RNPEP: variants seen among roughly 807,000 people sequenced by gnomAD.
The protein encoded by RNPEP is aminopeptidase B.
A neutral mutation model predicts 70.1 loss-of-function variants in RNPEP; 57 were observed. The observed-to-expected ratio is 0.81, with a 90% CI of 0.66 to 1.01. The LOEUF (loss-of-function observed/expected upper bound fraction) is 1.01. Ranked by LOEUF, RNPEP falls within the 50% of genes least tolerant of loss-of-function variation. The pLI is 0.00. For missense variants in RNPEP, 787 were observed against 852.4 expected, an observed-to-expected ratio of 0.92 and a Z score of 0.96; for synonymous variants, 335 against 357.4, an observed-to-expected ratio of 0.94 and a Z score of 0.71.
Position 201,999,913 on chromosome 1 carries a change from A to C in RNPEP, c.1102A>C (p.Thr368Pro). 6.2e-7 allele frequency: 1 copy of C among 1,613,540 alleles called. No homozygotes were observed. Residue 368 changes from threonine to proline, a missense_variant, in exon 6 of 11, where the codon ACC becomes CCC. Transcript: ENST00000295640. ...ISTILFGAAY[T>P]CLEAATGRAL... is the part of the protein sequence containing the mutation. Reference sequence around the variant, plus strand: ...TGATTCTGCACCAGGCGCTGCGTACACCTGCTTGGAGGCTGCAACGGGGCG... The same window carrying C: ...TGATTCTGCACCAGGCGCTGCGTACCCCTGCTTGGAGGCTGCAACGGGGCG...
chr1:201,987,948 C>T (rs1683189393), intron 1 of RNPEP, among the ~76,000 whole-genome samples: 1 of 151,240 alleles, frequency 6.6e-6, no homozygotes, highest in Non-Finnish European at 1.5e-5. Flanking sequence ...CAAGACCAGC[C>T]TGACCAACAT....
At chr1:201,988,872 G>A (rs367669495) in intron 1 of RNPEP, 32 bp from the exon 2 acceptor site, 32 of 1,589,264 alleles carry the variant, frequency 2.0e-5, no homozygotes, top group Non-Finnish European at 2.4e-5. Flanking sequence ...TGTGGGAGAT[G>A]TCAGTTCTGA....
Position 202,005,803 on chromosome 1 carries a change from C to T in RNPEP, c.*87C>T. ...TCCCAAATTCCTGTTCCCTGATCAA[C>T]TTCCTGGAGTTTATATCCCCTCAGG... On this transcript the variant is annotated 3_prime_UTR_variant, in exon 11 of 11. Transcript: ENST00000295640. 1.4e-5 allele frequency: 21 copies of T among 1,466,168 alleles called. No individual in the cohort carries two copies. Among genetic ancestry groups the T allele is most frequent in the Non-Finnish European group, 2.0e-5 (21 of 1,056,376 alleles). 90.8% of individuals were successfully genotyped at this position (1,466,168 alleles called of 1,614,324 possible).
Position 201,984,821 on chromosome 1 carries a change from C to CTTTTTT in RNPEP, c.447+1739_447+1744dup, listed in dbSNP as rs200795347. Among the ~76,000 whole-genome samples, 45 of 122,018 alleles carry CTTTTTT rather than the reference C, an allele frequency of 3.7e-4. 3 individuals are homozygous for CTTTTTT. The highest frequency in any genetic ancestry group is 1.0e-3 in the South Asian group (4 of 3,970). 80.0% of individuals were successfully genotyped at this position (122,018 alleles called of 152,430 possible). On this transcript the variant is annotated intron_variant, in intron 1 of 10. Coordinates refer to ENST00000295640, the MANE Select transcript of RNPEP (RefSeq NM_020216.4). ...TTACTGCTAACTTTTGTATTTCTTTCTTTTTTTTTTTTTTTTTTTTTTTTT... is the reference window on the plus strand; with the variant it reads ...TTACTGCTAACTTTTGTATTTCTTTCTTTTTTTTTTTTTTTTTTTTTTTTTTTTTTT...
intron 3 of RNPEP, among the ~76,000 whole-genome samples, chr1:201,990,511 G>A (rs934916756): frequency 3.9e-5 from 6 of 152,200 alleles, no homozygotes; most frequent in South Asian, 2.1e-4. Context: ...CAGGCTGGAC[G>A]GTGAAGCCGT....
chr1:201,993,844 C>T (rs1290665605), intron 3 of RNPEP, among the ~76,000 whole-genome samples: 3 of 152,096 alleles, frequency 2.0e-5, no homozygotes, highest in Non-Finnish European at 4.4e-5. Context: ...ACACACTGTC[C>T]TTCCCTCTGT....
At chr1:202,004,936 G>A (rs60869227) in intron 10 of RNPEP, among the ~76,000 whole-genome samples, 1,763 of 152,288 alleles carry the variant, frequency 0.012, 36 homozygotes, top group African/African-American at 0.04. Flanking sequence ...GCCCTGTTGG[G>A]GAAAGGCCCC....
In RNPEP at chr1:202,005,823, C is replaced by T; in HGVS notation, c.*107C>T. 3 of 1,293,638 alleles carry T rather than the reference C, an allele frequency of 2.3e-6. No homozygotes were observed. Among genetic ancestry groups the T allele is most frequent in the Non-Finnish European group, 3.3e-6 (3 of 914,116 alleles). 80.1% of individuals were successfully genotyped at this position (1,293,638 alleles called of 1,614,324 possible). ...ATCAACTTCCTGGAGTTTATATCCCCTCAGGATAATCTATTCTCTAGCTTA... is the reference window on the plus strand; with the variant it reads ...ATCAACTTCCTGGAGTTTATATCCCTTCAGGATAATCTATTCTCTAGCTTA... On this transcript the variant is annotated 3_prime_UTR_variant, in exon 11 of 11. Transcript: ENST00000295640.
Position 202,006,066 on chromosome 1 carries a change from A to T in RNPEP, c.*350A>T. 1 of 221,822 alleles carries T rather than the reference A, an allele frequency of 4.5e-6. No individual in the cohort carries two copies. The highest frequency in any genetic ancestry group is 9.1e-6 in the Non-Finnish European group (1 of 110,254). 13.7% of individuals were successfully genotyped at this position (221,822 alleles called of 1,614,324 possible). A position where few individuals can be genotyped will look rare whatever the true frequency, so the allele number is the denominator to read the frequency against. On this transcript the variant is annotated 3_prime_UTR_variant, in exon 11 of 11. Coordinates refer to ENST00000295640, the MANE Select transcript of RNPEP (RefSeq NM_020216.4). ...TTCTGTCCTTTTTCTTGCTGATTTT[A>T]TGCAAAGGGCTGGCATTCTGATTGT...
intron 1 of RNPEP, 27 bp downstream of exon 1, chr1:201,983,140 C>T (rs948276106): frequency 7.0e-7 from 1 of 1,438,322 alleles, no homozygotes; most frequent in Non-Finnish European, 9.0e-7. Context: ...CTGCGCCCGC[C>T]GCTGCCTGCC....
chr1:202,002,417 C>T (rs542695260), intron 8 of RNPEP, among the ~76,000 whole-genome samples: 183 of 152,336 alleles, frequency 1.2e-3, no homozygotes, highest in Middle Eastern at 3.4e-3. Context: ...CTGCCTCGGC[C>T]TCCCAAAGTG....
intron 1 of RNPEP, chr1:201,983,371 G>C: frequency 1.3e-6 from 2 of 1,499,844 alleles, no homozygotes; most frequent in South Asian, 2.5e-5. Flanking sequence ...GTCCTTCCGC[G>C]TCTCCTCCCT....
chr1:202,003,443 A>G lies in RNPEP; in HGVS notation c.1633A>G (p.Lys545Glu). ...CTACTTCCTGGATAAGATCCTCCAG[A>G]AATCCCCTCTCCCTCCTGGTAAGAA... ...LVYFLDKILQ[K>E]SPLPPGNVKK... is the part of the protein sequence containing the mutation. The change falls in exon 9 of 11, where the codon AAA (lysine) becomes GAA (glutamate). Residue 545 changes from lysine (K) to glutamate (E), a missense_variant. Coordinates refer to ENST00000295640, the MANE Select transcript of RNPEP (RefSeq NM_020216.4). 6.2e-7 allele frequency: 1 copy of G among 1,613,264 alleles called. No individual in the cohort carries two copies. The highest frequency in any genetic ancestry group is 8.5e-7 in the Non-Finnish European group (1 of 1,179,368).
intron 8 of RNPEP, among the ~76,000 whole-genome samples, chr1:202,002,510 G>A (rs899935998): frequency 2.0e-4 from 31 of 152,314 alleles, no homozygotes; most frequent in African/African-American, 6.5e-4. Context: ...AACGAAAAAT[G>A]TCCTGTCATG....
intron 3 of RNPEP, among the ~76,000 whole-genome samples, chr1:201,994,833 ATTTTTTTTTTT>A (rs34077790): frequency 8.2e-4 from 70 of 85,218 alleles, no homozygotes; most frequent in African/African-American, 3.1e-3. Flanking sequence ...TGTCCTGCTA[ATTTTTTTTTTT>A]TTTTTTTTTT....
chr1:201,989,799 T>C (rs998420239), intron 3 of RNPEP, among the ~76,000 whole-genome samples: 2 of 152,112 alleles, frequency 1.3e-5, no homozygotes, highest in Admixed American at 1.3e-4. Context: ...TGGGCTGCCT[T>C]ACAGAGGGAT....
In RNPEP at chr1:201,986,067, G is replaced by A. The variant is rs542687208; in HGVS notation, c.448-2837G>A. On this transcript the variant is annotated intron_variant, in intron 1 of 10. Transcript: ENST00000295640. ...CTCAGCCCAAGTAGCTGGGACTACA[G>A]GCGCATACAACTGCGCCCAGCTAAT... Among the ~76,000 whole-genome samples the A allele has an allele frequency of 8.5e-5, 13 of 152,262 alleles. No homozygotes were observed. The South Asian group carries it at 2.7e-3, about 32-fold the overall frequency.
intron 6 of RNPEP, 193 bp from the exon 7 acceptor site, chr1:202,001,183 G>C (rs1427658173): frequency 5.1e-6 from 3 of 586,096 alleles, no homozygotes; most frequent in Admixed American, 3.0e-5. Context: ...TCTTAAGAGA[G>C]AGAGTCTTGG....
At chr1:201,987,272 C>A (rs1281182235) in intron 1 of RNPEP, among the ~76,000 whole-genome samples, 1 of 152,068 alleles carries the variant, frequency 6.6e-6, no homozygotes, top group Non-Finnish European at 1.5e-5. Flanking sequence ...AAGTTTTCTT[C>A]CCCTATGAAA....
Sources: gnomAD v4.1 joint callset for allele counts (sites outside exome capture counted in the v4.1 genomes callset) on GRCh38, gnomAD v4.1.1 for gene constraint, MANE v1.5 for transcripts, NCBI Gene and HGNC (gene_info 2026-07-23, HGNC 2026-07-21) for gene names.